CDH12: variants seen among roughly 807,000 people sequenced by gnomAD.
CDH12 encodes cadherin-12.
A neutral mutation model predicts 74.1 loss-of-function variants in CDH12; 41 were observed. The observed-to-expected ratio is 0.55, with a 90% CI of 0.43 to 0.72. CDH12 has a LOEUF of 0.72. Ranked by LOEUF, CDH12 falls within the 30% of genes least tolerant of loss-of-function variation. The probability of loss-of-function intolerance (pLI) is 0.00; values close to 1 mark genes in which losing one functional copy is unlikely to be tolerated. For missense variants in CDH12, 945 were observed against 977.2 expected (o/e 0.97, Z 0.44); for synonymous variants, 399 against 355.0 (o/e 1.12, Z -1.39).
chr5:22,758,432 C>T (rs1160942534), intron 1 of CDH12, among the ~76,000 whole-genome samples: 2 of 151,948 alleles, frequency 1.3e-5, no homozygotes, highest in Non-Finnish European at 2.9e-5. Flanking sequence ...CACAAAAAAG[C>T]AAACAAACAA....
rs142307016 is a variant in CDH12, at chr5:22,236,195, C to T, written c.-332-23552G>A. 2.9e-4 allele frequency among the ~76,000 whole-genome samples: 44 copies of T among 152,274 alleles called. No individual in the cohort carries two copies. In the East Asian group the frequency reaches 3.1e-3, roughly 11 times the overall value. On this transcript the variant is annotated intron_variant, in intron 3 of 14. Coordinates refer to ENST00000382254, the MANE Select transcript of CDH12 (RefSeq NM_004061.5). Reference sequence around the variant, plus strand: ...CATTACACATGGACTTCATAAACAACGTACATTTAGGCTATACTAAATGTA... The same window carrying T: ...CATTACACATGGACTTCATAAACAATGTACATTTAGGCTATACTAAATGTA...
intron 3 of CDH12, among the ~76,000 whole-genome samples, chr5:22,354,751 C>T (rs567995534): frequency 6.6e-6 from 1 of 152,150 alleles, no homozygotes; most frequent in African/African-American, 2.4e-5. Context: ...AAGAGGTGAC[C>T]ACGGTTGCTT....
chr5:21,971,433 A>G (rs1164036701), intron 6 of CDH12, among the ~76,000 whole-genome samples: 1 of 152,176 alleles, frequency 6.6e-6, no homozygotes, highest in African/African-American at 2.4e-5. Context: ...TAGTTAGATC[A>G]CATGGCACCT....
At chr5:22,495,092 T>C (rs984539603) in intron 2 of CDH12, among the ~76,000 whole-genome samples, 3 of 152,216 alleles carry the variant, frequency 2.0e-5, no homozygotes, top group African/African-American at 7.2e-5. Flanking sequence ...TCACCCCTTC[T>C]GTCAGACCCC....
chr5:21,878,560 C>G (rs990908206), intron 6 of CDH12, among the ~76,000 whole-genome samples: 2 of 118,424 alleles, frequency 1.7e-5, no homozygotes, highest in Non-Finnish European at 3.5e-5. Context: ...GCAACCCTGT[C>G]TCTACCAAAA....
intron 4 of CDH12, among the ~76,000 whole-genome samples, chr5:22,167,389 G>A (rs1748746050): frequency 6.6e-6 from 1 of 152,194 alleles, no homozygotes; most frequent in Non-Finnish European, 1.5e-5. Context: ...AAAGCAGATT[G>A]AAAAGTTTAA....
At chr5:21,961,257 C>A (rs1295459574) in intron 6 of CDH12, among the ~76,000 whole-genome samples, 1 of 152,080 alleles carries the variant, frequency 6.6e-6, no homozygotes, top group Admixed American at 6.6e-5. Flanking sequence ...TAATGCATTG[C>A]TAATGAGCTT....
chr5:22,340,361 C>G (rs1235666150), intron 3 of CDH12, among the ~76,000 whole-genome samples: 1 of 151,964 alleles, frequency 6.6e-6, no homozygotes, highest in Non-Finnish European at 1.5e-5. Flanking sequence ...CCCATCTCTA[C>G]TAAAAATACA....
intron 1 of CDH12, among the ~76,000 whole-genome samples, chr5:22,747,549 T>C (rs1186767555): frequency 2.2e-5 from 3 of 137,728 alleles, no homozygotes; most frequent in Non-Finnish European, 4.5e-5. Context: ...GAGGTTGCAG[T>C]GCAGTGAGCC....
chr5:22,277,743 A>T (rs1420132825), intron 3 of CDH12, among the ~76,000 whole-genome samples: 2 of 152,196 alleles, frequency 1.3e-5, no homozygotes, highest in African/African-American at 4.8e-5. Context: ...CTGAGGCAGG[A>T]GAATTGCTTG....
chr5:22,617,111 G>A (rs555101942), intron 1 of CDH12, among the ~76,000 whole-genome samples: 23 of 152,050 alleles, frequency 1.5e-4, no homozygotes, highest in African/African-American at 5.5e-4. Flanking sequence ...CTGGTTTCAA[G>A]TGAGGCTCCC....
intron 2 of CDH12, among the ~76,000 whole-genome samples, chr5:22,494,255 T>C (rs1747010796): frequency 6.6e-6 from 1 of 152,164 alleles, no homozygotes; most frequent in Non-Finnish European, 1.5e-5. Context: ...AGTCTTCTGG[T>C]TTCCTCCTTC....
intron 4 of CDH12, among the ~76,000 whole-genome samples, chr5:22,117,516 TATATATAATA>T (rs1393370624): frequency 1.1e-5 from 1 of 87,694 alleles, no homozygotes; most frequent in Non-Finnish European, 2.1e-5. Flanking sequence ...ATATATAATA[TATATATAATA>T]TATATATATA....
intron 3 of CDH12, among the ~76,000 whole-genome samples, chr5:22,268,726 A>T (rs1034926484): frequency 6.6e-6 from 1 of 152,110 alleles, no homozygotes; most frequent in African/African-American, 2.4e-5. Flanking sequence ...GTGTAGTATG[A>T]TTTGGCAAGG....
chr5:22,449,884 G>C (rs1011611951), intron 2 of CDH12, among the ~76,000 whole-genome samples: 1 of 151,914 alleles, frequency 6.6e-6, no homozygotes, highest in Non-Finnish European at 1.5e-5. Flanking sequence ...TGCATTTATT[G>C]ATATGGACAA....
intron 6 of CDH12, among the ~76,000 whole-genome samples, chr5:21,934,746 C>G (rs145859020): frequency 2.0e-5 from 3 of 151,826 alleles, no homozygotes; most frequent in Non-Finnish European, 2.9e-5. Context: ...TCGTTTTCTT[C>G]TCCCTTTTCC....
chr5:22,005,895 A>G (rs1286132661), intron 5 of CDH12, among the ~76,000 whole-genome samples: 2 of 152,214 alleles, frequency 1.3e-5, no homozygotes, highest in African/African-American at 4.8e-5. Flanking sequence ...ACTTATGGTT[A>G]CCTTAGAACT....
intron 1 of CDH12, among the ~76,000 whole-genome samples, chr5:22,726,801 T>A (rs565121174): frequency 2.0e-5 from 3 of 151,900 alleles, no homozygotes; most frequent in Admixed American, 2.0e-4. Flanking sequence ...AAAAAAATAA[T>A]CTCAGACCTT....
intron 1 of CDH12, among the ~76,000 whole-genome samples, chr5:22,613,685 T>C (rs1340691370): frequency 2.6e-5 from 4 of 152,128 alleles, no homozygotes; most frequent in African/African-American, 7.2e-5. Flanking sequence ...CCAAAATACA[T>C]ACACGGCAAA....
Sources: allele counts gnomAD v4.1 joint callset (sites outside exome capture counted in the v4.1 genomes callset), GRCh38; gene constraint gnomAD v4.1.1; transcripts MANE v1.5; gene names NCBI Gene and HGNC (gene_info 2026-07-23, HGNC 2026-07-21).